ASIC2: variants seen among roughly 807,000 people sequenced by gnomAD.
The protein encoded by ASIC2 is acid-sensing ion channel 2.
In ASIC2, 25 loss-of-function variants were observed where a neutral mutation model predicts 57.3. The observed-to-expected ratio is 0.44, with a 90% confidence interval of 0.32 to 0.61. ASIC2 has a LOEUF of 0.61. Among genes scored for constraint, ASIC2 ranks in the 20% least tolerant of loss-of-function variants. The pLI, the probability that ASIC2 is intolerant of heterozygous loss-of-function variation, is 0.06. For synonymous variants in ASIC2, 319 were observed against 307.5 expected, an observed-to-expected ratio of 1.04 and a Z score of -0.39; for missense variants, 641 against 738.1, an observed-to-expected ratio of 0.87 and a Z score of 1.52.
At chr17:34,039,630 T>TC (rs1908028230) in intron 1 of ASIC2, 1 of 1,613,398 alleles carries the variant, frequency 6.2e-7, no homozygotes, top group Non-Finnish European at 8.5e-7. Context: ...TAATTTTATG[T>TC]CCCCTAGGAG....
Position 33,494,633 on chromosome 17 carries a change from T to TG in ASIC2, c.556-382567dup, listed in dbSNP as rs200068610. Reference sequence around the variant, plus strand: ...GCAGCATACACTGCAGCACACATTGTGGGGTCACACTGAGGTAGGAGCAAT... The same window carrying TG: ...GCAGCATACACTGCAGCACACATTGTGGGGGTCACACTGAGGTAGGAGCAAT... On this transcript the variant is annotated intron_variant, in intron 1 of 9. Transcript: ENST00000359872. Among the ~76,000 whole-genome samples the TG allele has an allele frequency of 8.7e-3, 1,328 of 152,198 alleles. 21 individuals are homozygous for TG. Among genetic ancestry groups the TG allele is most frequent in the African/African-American group, 0.03 (1,237 of 41,530 alleles).
intron 1 of ASIC2, among the ~76,000 whole-genome samples, chr17:34,137,485 G>A (rs1285848062): frequency 6.6e-6 from 1 of 152,186 alleles, no homozygotes; most frequent in Non-Finnish European, 1.5e-5. Context: ...TCCCTGTGGA[G>A]GCAAGGCAGA....
At chr17:33,347,144 A>G (rs1907980694) in intron 1 of ASIC2, among the ~76,000 whole-genome samples, 1 of 152,114 alleles carries the variant, frequency 6.6e-6, no homozygotes, top group Non-Finnish European at 1.5e-5. Context: ...AGGAAAGATG[A>G]ATGGGAACCA....
At chr17:33,081,216 G>A (rs531700383) in intron 3 of ASIC2, among the ~76,000 whole-genome samples, 51 of 152,296 alleles carry the variant, frequency 3.3e-4, no homozygotes, top group African/African-American at 1.2e-3. Flanking sequence ...AGTCCACCTT[G>A]AGAAAATCAA....
Position 33,014,056 on chromosome 17 carries a change from T to A in ASIC2, c.1601A>T (p.Asp534Val). The A allele has an allele frequency of 6.3e-7, 1 of 1,597,986 alleles. No individual in the cohort carries two copies. The highest frequency in any genetic ancestry group is 2.3e-5 in the East Asian group (1 of 44,254). The change falls in exon 10 of 10, where the codon GAC becomes GTC. Residue 534 changes from aspartate to valine, a missense_variant. Asp to Val is a radical substitution (Grantham distance 152, BLOSUM62 -3). Around this residue, in one of 3 missense-constraint regions of ASIC2, gnomAD observed 252 missense variants for 319.8 expected, o/e 0.79. Coordinates refer to ENST00000225823, the MANE Select transcript of ASIC2 (RefSeq NM_183377.2). ...GSHDENVSTCDTMPNHSETIS... is the reference protein window; with the variant it reads ...GSHDENVSTCVTMPNHSETIS... Reference sequence around the variant, plus strand: ...GGTTTCAGAGTGGTTTGGCATTGTGTCACAAGTACTCTGGAAGGGAAGGGT... The same window carrying A: ...GGTTTCAGAGTGGTTTGGCATTGTGACACAAGTACTCTGGAAGGGAAGGGT...
At chr17:34,060,868 A>G (rs989027427) in intron 1 of ASIC2, among the ~76,000 whole-genome samples, 4 of 152,112 alleles carry the variant, frequency 2.6e-5, no homozygotes, top group Admixed American at 2.0e-4. Flanking sequence ...GACCAAACCT[A>G]AGAATAATCA....
At chr17:33,922,085 G>A (rs1915720024) in intron 1 of ASIC2, among the ~76,000 whole-genome samples, 1 of 152,186 alleles carries the variant, frequency 6.6e-6, no homozygotes, top group Non-Finnish European at 1.5e-5. Flanking sequence ...AGGAAACTGA[G>A]ACCAAGTCGG....
At chr17:33,310,917 T>C (rs8078963) in intron 1 of ASIC2, among the ~76,000 whole-genome samples, 35,404 of 152,082 alleles carry the variant, frequency 0.23, 4,625 homozygotes, top group East Asian at 0.37. Context: ...TTTATCTCAG[T>C]ATAATCTGGT....
At chr17:33,056,272 C>T (rs1179202859) in intron 3 of ASIC2, among the ~76,000 whole-genome samples, 5 of 152,220 alleles carry the variant, frequency 3.3e-5, no homozygotes, top group African/African-American at 1.2e-4. Flanking sequence ...CAAAGATACA[C>T]AGCTGAGTGT....
chr17:33,686,426 C>G (rs1908195592), intron 1 of ASIC2, among the ~76,000 whole-genome samples: 1 of 152,100 alleles, frequency 6.6e-6, no homozygotes, highest in African/African-American at 2.4e-5. Context: ...TTGTCCTGTT[C>G]AGTATGTAAT....
intron 1 of ASIC2, among the ~76,000 whole-genome samples, chr17:33,521,187 C>T (rs535340336): frequency 6.6e-6 from 1 of 152,056 alleles, no homozygotes; most frequent in African/African-American, 2.4e-5. Flanking sequence ...TTGCCTCTTG[C>T]GGGAGAAGTA....
chr17:33,994,551 C>T (rs994417567), intron 1 of ASIC2, among the ~76,000 whole-genome samples: 1 of 152,136 alleles, frequency 6.6e-6, no homozygotes, highest in Non-Finnish European at 1.5e-5. Context: ...TTTTTTATTT[C>T]TCCTTAAATG....
At chr17:33,427,977 C>A (rs1405996573) in intron 1 of ASIC2, among the ~76,000 whole-genome samples, 1 of 152,174 alleles carries the variant, frequency 6.6e-6, no homozygotes, top group African/African-American at 2.4e-5. Flanking sequence ...GATGCTCAAT[C>A]AACCTTGTGG....
intron 1 of ASIC2, among the ~76,000 whole-genome samples, chr17:33,905,165 T>TA (rs147028517): frequency 1.1e-4 from 12 of 108,454 alleles, no homozygotes; most frequent in South Asian, 9.7e-4. Context: ...TTTTTTTTTT[T>TA]CCACTTAGCG....
At chr17:33,297,155 C>T (rs73285931), upstream of ASIC2, among the ~76,000 whole-genome samples, 3,289 of 152,308 alleles carry the variant, frequency 0.022, 118 homozygotes, top group African/African-American at 0.075. Flanking sequence ...TAGCAGTCCA[C>T]CTGCTAGTGA....
In ASIC2 at chr17:34,076,918, G is replaced by T. The variant is rs1340367137; in HGVS notation, c.555+79060C>A. On this transcript the variant is annotated intron_variant, in intron 1 of 9. Transcript: ENST00000359872. ...GGAGAGGGCAGGCAGTACTATTGTG[G>T]GTGGCTTAGCGCAACACAAGATCAG... Among the ~76,000 whole-genome samples the T allele has an allele frequency of 9.2e-5, 14 of 152,310 alleles. No homozygotes were observed. The South Asian group carries it at 2.5e-3, about 27-fold the overall frequency.
chr17:33,864,487 C>A (rs917000041), intron 1 of ASIC2, among the ~76,000 whole-genome samples: 2 of 152,172 alleles, frequency 1.3e-5, no homozygotes, highest in African/African-American at 4.8e-5. Context: ...CAGTTCCTCT[C>A]ACTCTCTTCA....
intron 1 of ASIC2, among the ~76,000 whole-genome samples, chr17:33,610,223 T>A (rs1905358328): frequency 6.6e-6 from 1 of 152,192 alleles, no homozygotes; most frequent in Non-Finnish European, 1.5e-5. Flanking sequence ...AGTGGCACGA[T>A]CTCGGCTTAC....
chr17:33,417,771 A>G (rs1910900429), intron 1 of ASIC2, among the ~76,000 whole-genome samples: 1 of 151,880 alleles, frequency 6.6e-6, no homozygotes, highest in African/African-American at 2.4e-5. Context: ...GATCCAGGAC[A>G]CTCACTGGGC....
Sources: gnomAD v4.1 joint callset for allele counts (sites outside exome capture counted in the v4.1 genomes callset) on GRCh38, gnomAD v4.1.1 for gene constraint, gnomAD v4.1.1 regional missense constraint, MANE v1.5 for transcripts, NCBI Gene and HGNC (gene_info 2026-07-23, HGNC 2026-07-21) for gene names.